The following PIP4K2A variants were observed in gnomAD, a reference collection of about 807,000 sequenced individuals.
PIP4K2A encodes phosphatidylinositol-5-phosphate 4-kinase type 2 alpha.
PIP4K2A carries 14 observed loss-of-function variants against 42.9 expected under a neutral mutation model. That is an observed-to-expected ratio of 0.33 (90% CI 0.22 to 0.51). PIP4K2A has a LOEUF of 0.51. Among genes scored for constraint, PIP4K2A ranks in the 20% least tolerant of loss-of-function variants. PIP4K2A has a pLI of 0.97. For synonymous variants in PIP4K2A, 192 were observed against 192.2 expected, an observed-to-expected ratio of 1.00 and a Z score of 0.01; for missense variants, 434 against 519.8, an observed-to-expected ratio of 0.83 and a Z score of 1.61.
intron 6 of PIP4K2A, among the ~76,000 whole-genome samples, chr10:22,554,340 T>G (rs891342937): frequency 2.0e-5 from 3 of 152,228 alleles, no homozygotes; most frequent in Admixed American, 2.0e-4. Flanking sequence ...AAACTCTTGG[T>G]GTAAAACTGC....
rs1379858288 is a variant in PIP4K2A, at chr10:22,537,255, G to T, written c.1167C>A (p.Asn389Lys). 1.2e-6 allele frequency: 2 copies of T among 1,605,722 alleles called. No homozygotes were observed. The highest frequency in any genetic ancestry group is 1.7e-4 in the Middle Eastern group (1 of 6,052). ...AAAAGCGCTTTGAATACTGTTCTGG[G>T]TTCACGGTGGAGATCTCCGCGCCAG... ...HGAGAEISTV[N>K]PEQYSKRFLD... The change falls in exon 10 of 10, where the codon AAC becomes AAA. Residue 389 changes from asparagine to lysine, a missense_variant. Asn to Lys is a moderately conservative substitution (Grantham distance 94, BLOSUM62 0). Transcript: ENST00000376573.
intron 1 of PIP4K2A, among the ~76,000 whole-genome samples, chr10:22,646,040 AG>A (rs948893061): frequency 6.3e-4 from 96 of 152,324 alleles, no homozygotes; most frequent in African/African-American, 2.1e-3. Flanking sequence ...TAATTAACTC[AG>A]GTAAACCATT....
At chr10:22,554,618 C>A (rs76203411) in intron 6 of PIP4K2A, among the ~76,000 whole-genome samples, 4,083 of 152,304 alleles carry the variant, frequency 0.027, 184 homozygotes, top group African/African-American at 0.091. Context: ...TCTCCGAGGC[C>A]GGCTTCCAGC....
intron 1 of PIP4K2A, among the ~76,000 whole-genome samples, chr10:22,672,373 C>A (rs1219956499): frequency 6.6e-6 from 1 of 152,160 alleles, no homozygotes; most frequent in Non-Finnish European, 1.5e-5. Flanking sequence ...ACCTTCATAA[C>A]CACTTCCAAA....
chr10:22,550,349 T>C (rs1588618853), intron 7 of PIP4K2A, among the ~76,000 whole-genome samples: 1 of 152,178 alleles, frequency 6.6e-6, no homozygotes, highest in South Asian at 2.1e-4. Flanking sequence ...AACTGGCTGG[T>C]GTGGGCAGGT....
At chr10:22,585,474 C>T (rs530628595) in intron 4 of PIP4K2A, among the ~76,000 whole-genome samples, 3 of 152,296 alleles carry the variant, frequency 2.0e-5, no homozygotes, top group African/African-American at 7.2e-5. Flanking sequence ...TAAAATGCTG[C>T]ATTTCAAAAG....
chr10:22,686,587 C>T (rs1399737280), intron 1 of PIP4K2A, among the ~76,000 whole-genome samples: 1 of 152,144 alleles, frequency 6.6e-6, no homozygotes, highest in Non-Finnish European at 1.5e-5. Context: ...AGTTCCACCT[C>T]AGCCTCCTGA....
intron 6 of PIP4K2A, among the ~76,000 whole-genome samples, chr10:22,556,936 G>A (rs1159710242): frequency 6.6e-6 from 1 of 152,132 alleles, no homozygotes; most frequent in Non-Finnish European, 1.5e-5. Flanking sequence ...GACAATACAG[G>A]TCATGGTCAA....
chr10:22,537,013 G>T lies in PIP4K2A; in HGVS notation c.*188C>A. 1 of 579,976 alleles carries T rather than the reference G, an allele frequency of 1.7e-6. No homozygotes were observed. Among genetic ancestry groups the T allele is most frequent in the Non-Finnish European group, 3.1e-6 (1 of 324,542 alleles). 35.9% of individuals were successfully genotyped at this position (579,976 alleles called of 1,614,324 possible). A position where few individuals can be genotyped will look rare whatever the true frequency, so the allele number is the denominator to read the frequency against. On this transcript the variant is annotated 3_prime_UTR_variant, in exon 10 of 10. Coordinates refer to ENST00000376573, the MANE Select transcript of PIP4K2A (RefSeq NM_005028.5). ...ACACAAAGTCAGAAATAGCTAGAACGATGCTGGGAAAATCAGGTAGCTGTA... is the reference window on the plus strand; with the variant it reads ...ACACAAAGTCAGAAATAGCTAGAACTATGCTGGGAAAATCAGGTAGCTGTA...
In PIP4K2A at chr10:22,539,898, AGAGAGAGAGAGAGG is replaced by A. The variant is rs767056046; in HGVS notation, c.1140+59_1140+72del. 2.0e-3 allele frequency: 1,395 copies of A among 681,262 alleles called. 10 individuals carry two copies. Among genetic ancestry groups the A allele is most frequent in the South Asian group, 4.7e-3 (307 of 65,048 alleles). 42.2% of individuals were successfully genotyped at this position (681,262 alleles called of 1,614,324 possible). Reference sequence around the variant, plus strand: ...CACAGAGGAGCCAGGAGAGAGAGAGAGAGAGAGAGAGAGGGAGAGAGAGAGAGAGAGAGGGAGAG... The same window carrying A: ...CACAGAGGAGCCAGGAGAGAGAGAGAGAGAGAGAGAGAGAGAGAGGGAGAG... On this transcript the variant is annotated intron_variant, in intron 9 of 9. Transcript: ENST00000376573.
intron 4 of PIP4K2A, among the ~76,000 whole-genome samples, chr10:22,575,854 C>T (rs1023727764): frequency 1.3e-5 from 2 of 151,918 alleles, no homozygotes; most frequent in Non-Finnish European, 2.9e-5. Flanking sequence ...AGAAGAACTA[C>T]TTGAACCCAG....
chr10:22,679,727 A>C (rs956763650), intron 1 of PIP4K2A, among the ~76,000 whole-genome samples: 1 of 152,218 alleles, frequency 6.6e-6, no homozygotes, highest in Non-Finnish European at 1.5e-5. Flanking sequence ...CTTGACCCCC[A>C]TAAAAAGGAA....
chr10:22,707,688 T>C (rs1260867980), intron 1 of PIP4K2A, among the ~76,000 whole-genome samples: 2 of 152,192 alleles, frequency 1.3e-5, no homozygotes, highest in African/African-American at 4.8e-5. Flanking sequence ...CTAGGCACTG[T>C]GACCCAGGCG....
At chr10:22,627,171 T>C (rs1010769594) in intron 1 of PIP4K2A, among the ~76,000 whole-genome samples, 1 of 152,242 alleles carries the variant, frequency 6.6e-6, no homozygotes, top group Non-Finnish European at 1.5e-5. Flanking sequence ...CATTAATTTC[T>C]CATTCTCCAT....
At chr10:22,550,854 T>G (rs1588619294) in intron 6 of PIP4K2A, 82 bp from the exon 7 acceptor site, 7 of 839,978 alleles carry the variant, frequency 8.3e-6, no homozygotes, top group Non-Finnish European at 1.4e-5. Flanking sequence ...CCCTGGACAC[T>G]GAAGTTTGCC....
chr10:22,564,384 A>C (rs905191188), intron 6 of PIP4K2A, among the ~76,000 whole-genome samples: 6 of 152,228 alleles, frequency 3.9e-5, no homozygotes, highest in Non-Finnish European at 7.3e-5. Context: ...TGAAGGAAAA[A>C]AATCCTGCTA....
At chr10:22,599,025 C>T (rs150009141) in intron 3 of PIP4K2A, among the ~76,000 whole-genome samples, 556 of 150,710 alleles carry the variant, frequency 3.7e-3, no homozygotes, top group African/African-American at 0.013. Context: ...AAAAAAACAA[C>T]AACAGCCAAA....
At chr10:22,592,167 G>T (rs1454067376) in intron 3 of PIP4K2A, among the ~76,000 whole-genome samples, 1 of 152,162 alleles carries the variant, frequency 6.6e-6, no homozygotes, top group Non-Finnish European at 1.5e-5. Flanking sequence ...TATATGACAG[G>T]TATCGTGCCA....
chr10:22,548,600 A>C (rs1380449978), intron 7 of PIP4K2A, among the ~76,000 whole-genome samples: 2 of 152,256 alleles, frequency 1.3e-5, no homozygotes, highest in African/African-American at 4.8e-5. Flanking sequence ...AGTTGGATCA[A>C]ACAGATCCCA....
Sources: gnomAD v4.1 joint callset for allele counts (sites outside exome capture counted in the v4.1 genomes callset) on GRCh38, gnomAD v4.1.1 for gene constraint, MANE v1.5 for transcripts, NCBI Gene and HGNC (gene_info 2026-07-23, HGNC 2026-07-21) for gene names.